The following CCSER1 variants were observed in gnomAD, a reference collection of about 807,000 sequenced individuals.
CCSER1 encodes coiled-coil serine rich protein 1, also known as serine-rich coiled-coil domain-containing protein 1.
A neutral mutation model predicts 82.0 loss-of-function variants in CCSER1; 41 were observed. The ratio of observed to expected loss-of-function variants is 0.50; its 90% CI spans 0.39 to 0.65. The LOEUF (loss-of-function observed/expected upper bound fraction) is 0.65. Among genes scored for constraint, CCSER1 ranks in the 30% least tolerant of loss-of-function variants. The probability of loss-of-function intolerance (pLI) is 0.00; values close to 1 mark genes in which losing one functional copy is unlikely to be tolerated. For missense variants in CCSER1, 1,119 were observed against 1,064.2 expected, an observed-to-expected ratio of 1.05 and a Z score of -0.72; for synonymous variants, 414 against 383.9, an observed-to-expected ratio of 1.08 and a Z score of -0.92.
At chr4:90,563,313 T>C (rs999951457) in intron 5 of CCSER1, among the ~76,000 whole-genome samples, 2 of 152,066 alleles carry the variant, frequency 1.3e-5, no homozygotes, top group Non-Finnish European at 2.9e-5. Flanking sequence ...GGTTTCACCA[T>C]GTTAGCCAGG....
At chr4:90,210,341 A>G (rs1739724836) in intron 1 of CCSER1, among the ~76,000 whole-genome samples, 1 of 152,150 alleles carries the variant, frequency 6.6e-6, no homozygotes, top group Admixed American at 6.5e-5. Flanking sequence ...TTTTGTCTTA[A>G]AGTTGAATTA....
At chr4:91,188,939 A>C (rs1734787358) in intron 10 of CCSER1, among the ~76,000 whole-genome samples, 2 of 152,106 alleles carry the variant, frequency 1.3e-5, no homozygotes, top group African/African-American at 4.8e-5. Context: ...TGACAAAAAG[A>C]GTCTAGGAAT....
In CCSER1 at chr4:91,184,170, G is replaced by A. The variant is rs183503596; in HGVS notation, c.2217+98176G>A. On this transcript the variant is annotated intron_variant, in intron 10 of 10. Transcript: ENST00000509176. ...CAGCACAAAATATATCATCCATATA[G>A]TGAATAATGTAACACTGTGAAAATT... Among the ~76,000 whole-genome samples, 598 of 152,306 alleles carry A rather than the reference G, an allele frequency of 3.9e-3. 1 individual carries two copies. The highest frequency in any genetic ancestry group is 0.014 in the Middle Eastern group (4 of 294).
chr4:91,161,741 G>T (rs1731420917), intron 10 of CCSER1, among the ~76,000 whole-genome samples: 1 of 152,026 alleles, frequency 6.6e-6, no homozygotes, highest in East Asian at 1.9e-4. Flanking sequence ...TGTGATTTTT[G>T]CACATTGATT....
chr4:90,610,158 C>T (rs578194547), intron 5 of CCSER1, among the ~76,000 whole-genome samples: 2 of 151,988 alleles, frequency 1.3e-5, no homozygotes, highest in South Asian at 2.1e-4. Flanking sequence ...GAGGCTGAGG[C>T]AGGAGAATGG....
At chr4:91,302,180 T>C (rs555014769) in intron 10 of CCSER1, among the ~76,000 whole-genome samples, 23 of 152,114 alleles carry the variant, frequency 1.5e-4, no homozygotes, top group African/African-American at 5.3e-4. Context: ...TGCATTTAGA[T>C]GCAATCATCT....
At chr4:90,748,290 G>A (rs1389356830) in intron 7 of CCSER1, among the ~76,000 whole-genome samples, 1 of 147,512 alleles carries the variant, frequency 6.8e-6, no homozygotes, top group Non-Finnish European at 1.5e-5. Flanking sequence ...TGCGGTGTTG[G>A]GTTTTTTGTT....
chr4:90,893,656 G>A (rs1232156615), intron 8 of CCSER1, among the ~76,000 whole-genome samples: 1 of 151,682 alleles, frequency 6.6e-6, no homozygotes, highest in African/African-American at 2.4e-5. Context: ...TTAGATCTTG[G>A]ATTCTGTCTT....
rs150417637 is a variant in CCSER1 at position 90,567,426 on chromosome 4, G to A, written c.1725-60599G>A. ...CTGCCTCAGCCTTCCGAGTAGCTGG[G>A]TTTACAGACATGCACCACTACGCTT... On this transcript the variant is annotated intron_variant, in intron 5 of 10. Coordinates refer to ENST00000509176, the MANE Select transcript of CCSER1 (RefSeq NM_001145065.2). Among the ~76,000 whole-genome samples the A allele has an allele frequency of 1.1e-4, 16 of 151,854 alleles. No individual in the cohort carries two copies. The East Asian group carries it at 2.7e-3, about 26-fold the overall frequency.
chr4:90,640,094 G>C (rs945973384), intron 6 of CCSER1, among the ~76,000 whole-genome samples: 16 of 152,094 alleles, frequency 1.1e-4, no homozygotes, highest in Non-Finnish European at 1.0e-4. Flanking sequence ...AAAGTAAGTA[G>C]GATAAGAAAA....
intron 5 of CCSER1, among the ~76,000 whole-genome samples, chr4:90,538,610 A>T (rs1775719374): frequency 6.6e-6 from 1 of 152,122 alleles, no homozygotes; most frequent in Admixed American, 6.5e-5. Flanking sequence ...ATTTTGTAGC[A>T]TGATATACTG....
At chr4:90,816,423 C>T (rs544703035) in intron 8 of CCSER1, among the ~76,000 whole-genome samples, 1 of 152,060 alleles carries the variant, frequency 6.6e-6, no homozygotes, top group Non-Finnish European at 1.5e-5. Context: ...ATTACACTTT[C>T]ATAATATAAA....
intron 10 of CCSER1, among the ~76,000 whole-genome samples, chr4:91,324,877 G>A (rs1287463473): frequency 6.6e-6 from 1 of 152,080 alleles, no homozygotes; most frequent in East Asian, 1.9e-4. Flanking sequence ...AATTTGGGAG[G>A]GGCCAAGGGC....
At chr4:90,318,969 G>C (rs1032906251) in intron 3 of CCSER1, among the ~76,000 whole-genome samples, 2 of 152,124 alleles carry the variant, frequency 1.3e-5, no homozygotes, top group Non-Finnish European at 2.9e-5. Flanking sequence ...TTCAGAATGG[G>C]TGGGGCATGC....
intron 5 of CCSER1, among the ~76,000 whole-genome samples, chr4:90,574,332 A>G (rs1030562396): frequency 7.4e-6 from 1 of 135,754 alleles, no homozygotes; most frequent in South Asian, 2.2e-4. Flanking sequence ...GCAGTGGCGC[A>G]ATCTCGGCTC....
chr4:91,172,009 A>T (rs1198552546), intron 10 of CCSER1, among the ~76,000 whole-genome samples: 1 of 152,080 alleles, frequency 6.6e-6, no homozygotes, highest in Non-Finnish European at 1.5e-5. Context: ...AATAAAAAAA[A>T]TCCTATTATT....
chr4:91,415,898 T>G (rs2149377497), intron 10 of CCSER1, among the ~76,000 whole-genome samples: 1 of 152,164 alleles, frequency 6.6e-6, no homozygotes, highest in African/African-American at 2.4e-5. Context: ...CTCTGCCAGG[T>G]TTTGGTATCA....
intron 10 of CCSER1, among the ~76,000 whole-genome samples, chr4:91,352,257 G>C (rs553239960): frequency 7.2e-5 from 11 of 152,182 alleles, no homozygotes; most frequent in Admixed American, 7.2e-4. Context: ...TTTTAGTTTA[G>C]TTTAGTTTTT....
chr4:90,703,222 C>T lies in CCSER1; in HGVS notation c.1933-20692C>T, dbSNP rs191606747. Among the ~76,000 whole-genome samples the T allele has an allele frequency of 1.1e-3, 160 of 152,288 alleles. 1 individual carries two copies. Among genetic ancestry groups the T allele is most frequent in the African/African-American group, 3.6e-3 (150 of 41,572 alleles). On this transcript the variant is annotated intron_variant, in intron 6 of 10. Transcript: ENST00000509176. Reference sequence around the variant, plus strand: ...AACAACTTTATTTCTGCCTTCATTTCGTTATGTACCCAGTAGTTGTTCAGG... The same window carrying T: ...AACAACTTTATTTCTGCCTTCATTTTGTTATGTACCCAGTAGTTGTTCAGG...
Sources: allele counts gnomAD v4.1 joint callset (sites outside exome capture counted in the v4.1 genomes callset), GRCh38; gene constraint gnomAD v4.1.1; transcripts MANE v1.5; gene names NCBI Gene and HGNC (gene_info 2026-07-23, HGNC 2026-07-21).